Variants in GLIS3 observed in about 807,000 individuals in gnomAD.
GLIS3 encodes zinc finger protein GLIS3.
A neutral mutation model predicts 78.6 loss-of-function variants in GLIS3; 53 were observed. The observed-to-expected ratio is 0.67, with a 90% CI of 0.54 to 0.85. GLIS3 has a LOEUF of 0.85. Among genes scored for constraint, GLIS3 ranks in the 40% least tolerant of loss-of-function variants. GLIS3 has a pLI of 0.00. For missense variants in GLIS3, 1,703 were observed against 1,231.1 expected, an observed-to-expected ratio of 1.38 and a Z score of -5.74; for synonymous variants, 684 against 509.9, an observed-to-expected ratio of 1.34 and a Z score of -4.60.
At chr9:4,243,885 G>C (rs753905832) in intron 2 of GLIS3, among the ~76,000 whole-genome samples, 9 of 152,200 alleles carry the variant, frequency 5.9e-5, no homozygotes, top group Non-Finnish European at 1.0e-4. Flanking sequence ...TCCTTCATGA[G>C]GTGGAGCTTA....
At chr9:3,871,629 C>G (rs1820974426) in intron 8 of GLIS3, among the ~76,000 whole-genome samples, 1 of 152,220 alleles carries the variant, frequency 6.6e-6, no homozygotes, top group East Asian at 1.9e-4. Context: ...GAGCTTCAGG[C>G]CCCTTTCAGC....
chr9:4,490,145 C>T, the GLIS3 span, among the ~76,000 whole-genome samples: 1 of 152,224 alleles, frequency 6.6e-6, no homozygotes, highest in Non-Finnish European at 1.5e-5. Context: ...GAAGTCCGCG[C>T]CCAGGAGGGC....
the GLIS3 span, among the ~76,000 whole-genome samples, chr9:4,415,342 C>G: frequency 6.6e-6 from 1 of 152,192 alleles, no homozygotes; most frequent in African/African-American, 2.4e-5. Flanking sequence ...GGAACCTCAA[C>G]ATTATTTTTC....
the GLIS3 span, among the ~76,000 whole-genome samples, chr9:4,378,489 G>C: frequency 6.6e-6 from 1 of 151,978 alleles, no homozygotes; most frequent in Non-Finnish European, 1.5e-5. Flanking sequence ...GGAAGAGAAG[G>C]CCTTAAAATA....
chr9:3,912,514 T>C (rs894902288), intron 6 of GLIS3, among the ~76,000 whole-genome samples: 6 of 152,202 alleles, frequency 3.9e-5, no homozygotes, highest in African/African-American at 1.4e-4. Flanking sequence ...TATCTAGCTA[T>C]GCTGGACAGA....
chr9:3,870,938 G>T (rs1443781922), intron 8 of GLIS3, among the ~76,000 whole-genome samples: 1 of 152,154 alleles, frequency 6.6e-6, no homozygotes, highest in African/African-American at 2.4e-5. Context: ...AGACAAGGCA[G>T]GTCTCTTCCA....
intron 4 of GLIS3, among the ~76,000 whole-genome samples, chr9:4,108,882 C>T (rs1037287896): frequency 1.3e-5 from 2 of 152,118 alleles, no homozygotes; most frequent in African/African-American, 4.8e-5. Context: ...CTCCGGTCAA[C>T]AGACAAATGA....
In GLIS3 at chr9:3,937,023, C is replaced by T. The variant is rs769439677; in HGVS notation, c.1872+5G>A. 3 of 1,612,490 alleles carry T rather than the reference C, an allele frequency of 1.9e-6. No individual in the cohort carries two copies. Among genetic ancestry groups the T allele is most frequent in the Non-Finnish European group, 2.5e-6 (3 of 1,179,938 alleles). ...TGGAAACTGGAAAGCTCCTGCCATT[C>T]TTACGGTGTCCAGATGCGTCCGCTG... On this transcript the variant is annotated splice_donor_5th_base_variant and intron_variant, in intron 5 of 10. Transcript: ENST00000381971.
intron 2 of GLIS3, among the ~76,000 whole-genome samples, chr9:4,241,295 C>T (rs955070301): frequency 6.6e-6 from 1 of 151,928 alleles, no homozygotes; most frequent in Admixed American, 6.6e-5. Flanking sequence ...TCTTTTTTTG[C>T]AAGACTTGTA....
intron 2 of GLIS3, among the ~76,000 whole-genome samples, chr9:4,228,586 G>C (rs1821985230): frequency 6.6e-6 from 1 of 152,202 alleles, no homozygotes; most frequent in African/African-American, 2.4e-5. Context: ...GGCAAGGGAA[G>C]AGCTGTAGCA....
upstream of GLIS3, among the ~76,000 whole-genome samples, chr9:4,303,148 A>C (rs553609958): frequency 6.6e-6 from 1 of 152,178 alleles, no homozygotes; most frequent in Non-Finnish European, 1.5e-5. Context: ...ACTTGCAAAG[A>C]ACTATGATCA....
chr9:3,937,302 A>C (rs1442109077), intron 4 of GLIS3, 113 bp from the exon 5 acceptor site: 6 of 1,046,248 alleles, frequency 5.7e-6, no homozygotes, highest in East Asian at 2.5e-5. Context: ...ATGATAAAAT[A>C]AAATCAAATC....
At chr9:4,343,738 A>G (rs1424281805) in intron 2 of GLIS3, among the ~76,000 whole-genome samples, 1 of 152,216 alleles carries the variant, frequency 6.6e-6, no homozygotes, top group Non-Finnish European at 1.5e-5. Context: ...CAGCCATAAA[A>G]AAACAATGAG....
chr9:4,015,888 CAA>C (rs1049791263), intron 4 of GLIS3, among the ~76,000 whole-genome samples: 8 of 32,242 alleles, frequency 2.5e-4, no homozygotes, highest in Admixed American at 2.9e-4. Context: ...GACTCTGTCT[CAA>C]AAAAAAAAAA....
chr9:4,364,226 GAAC>G, the GLIS3 span, among the ~76,000 whole-genome samples: 2 of 152,082 alleles, frequency 1.3e-5, no homozygotes, highest in South Asian at 2.1e-4. Flanking sequence ...TTAACAAACA[GAAC>G]AACTAATCCC....
intron 4 of GLIS3, among the ~76,000 whole-genome samples, chr9:3,984,823 G>T (rs995109582): frequency 6.6e-6 from 1 of 152,066 alleles, no homozygotes; most frequent in Non-Finnish European, 1.5e-5. Context: ...GAATTGTGGG[G>T]GCGTGTCTTC....
chr9:3,904,854 A>G (rs1823550856), intron 6 of GLIS3, among the ~76,000 whole-genome samples: 1 of 152,210 alleles, frequency 6.6e-6, no homozygotes, highest in South Asian at 2.1e-4. Flanking sequence ...AGGGAATCCC[A>G]AATTATGCTC....
Position 3,942,964 on chromosome 9 carries a change from G to A in GLIS3, c.1711-5775C>T, listed in dbSNP as rs994663876. Among the ~76,000 whole-genome samples, 7 of 151,808 alleles carry A rather than the reference G, an allele frequency of 4.6e-5. 1 individual carries two copies. The highest frequency in any genetic ancestry group is 4.6e-4 in the Admixed American group (7 of 15,248). The stretch of plus-strand genomic sequence containing the variant: ...GTCTCACACCTTAGGTGGTGAAACA[G>A]TTAAATCTAATTTTAAAATTTAGGT... On this transcript the variant is annotated intron_variant, in intron 4 of 10. Transcript: ENST00000381971.
At chr9:4,179,650 T>C (rs928280183) in intron 2 of GLIS3, among the ~76,000 whole-genome samples, 3 of 152,092 alleles carry the variant, frequency 2.0e-5, no homozygotes, top group Non-Finnish European at 2.9e-5. Context: ...TGGCTCACGC[T>C]TGTAATCCTA....
Sources: allele counts gnomAD v4.1 joint callset (sites outside exome capture counted in the v4.1 genomes callset), GRCh38; gene constraint gnomAD v4.1.1; transcripts MANE v1.5; gene names NCBI Gene and HGNC (gene_info 2026-07-23, HGNC 2026-07-21).